SEC63: variants seen among roughly 807,000 people sequenced by gnomAD.
SEC63 encodes the protein SEC63 protein translocation regulator.
SEC63 carries 56 observed loss-of-function variants against 116.2 expected under a neutral mutation model. The observed-to-expected ratio is 0.48, with a 90% CI of 0.39 to 0.60. The LOEUF is 0.60. Ranked by LOEUF, SEC63 falls within the 20% of genes least tolerant of loss-of-function variation. The pLI is 0.00. For synonymous variants in SEC63, 273 were observed against 294.6 expected (o/e 0.93, Z 0.75); for missense variants, 668 against 900.0 (o/e 0.74, Z 3.30).
Position 107,869,001 on chromosome 6 carries a change from ATCTC to A in SEC63, c.*2699_*2702del, listed in dbSNP as rs1786062282. The A allele has an allele frequency of 6.6e-6, 1 of 152,170 alleles. No individual in the cohort carries two copies. The highest frequency in any genetic ancestry group is 1.5e-5 in the Non-Finnish European group (1 of 68,062). The allele number at this position is 152,170 out of a possible 1,614,324, so 9.4% of individuals were successfully genotyped here. A position where few individuals can be genotyped will look rare whatever the true frequency, so the allele number is the denominator to read the frequency against. On this transcript the variant is annotated 3_prime_UTR_variant, in exon 21 of 21. Coordinates refer to ENST00000369002, the MANE Select transcript of SEC63 (RefSeq NM_007214.5). The stretch of plus-strand genomic sequence containing the variant: ...TAACATGCCTAGAGAGCCTCATTAT[ATCTC>A]TCCCTCCCTGTTTCCACATCAGTTG...
At chr6:107,955,866 G>A (rs1770700703) in intron 1 of SEC63, 2 of 203,384 alleles carry the variant, frequency 9.8e-6, no homozygotes, top group East Asian at 1.6e-4. Context: ...CTGGGCAACA[G>A]AGTGAGACTC....
At chr6:107,946,658 T>C (rs899009098) in intron 1 of SEC63, among the ~76,000 whole-genome samples, 2 of 152,306 alleles carry the variant, frequency 1.3e-5, no homozygotes, top group East Asian at 1.9e-4. Flanking sequence ...TCTGTCAGGA[T>C]AGAACAAAGA....
intron 18 of SEC63, among the ~76,000 whole-genome samples, chr6:107,878,433 T>G (rs1398362639): frequency 6.6e-6 from 1 of 152,222 alleles, no homozygotes; most frequent in Non-Finnish European, 1.5e-5. Flanking sequence ...GAAACATCAT[T>G]ACAACAAGTA....
rs113742308 is a variant in SEC63, at chr6:107,869,943, T to G, written c.*1761A>C. The G allele has an allele frequency of 6.6e-6, 1 of 151,944 alleles. No homozygotes were observed. The allele number at this position is 151,944 out of a possible 1,614,324, so 9.4% of individuals were successfully genotyped here. ...TTTTCTTGAAATCTTTCAAGAAAAC[T>G]AGGAAATATGCATTCTACACATTGT... On this transcript the variant is annotated 3_prime_UTR_variant, in exon 21 of 21. Coordinates refer to ENST00000369002, the MANE Select transcript of SEC63 (RefSeq NM_007214.5).
chr6:107,910,460 A>T (rs528941867), intron 7 of SEC63, among the ~76,000 whole-genome samples: 85 of 152,250 alleles, frequency 5.6e-4, no homozygotes, highest in Middle Eastern at 3.4e-3. Context: ...TGTCTCAAAA[A>T]TAAATAAATA....
chr6:107,897,027 A>AGGAG (rs1234726852), intron 14 of SEC63, among the ~76,000 whole-genome samples: 2 of 149,646 alleles, frequency 1.3e-5, no homozygotes, highest in South Asian at 2.2e-4. Context: ...GAAGAAGGGA[A>AGGAG]GGAGGGAGGG....
At chr6:107,926,589 A>T (rs1216796745) in intron 2 of SEC63, among the ~76,000 whole-genome samples, 1 of 152,182 alleles carries the variant, frequency 6.6e-6, no homozygotes, top group Non-Finnish European at 1.5e-5. Context: ...ATTTGGTAAT[A>T]GCCTCAATAT....
rs188668687 is a variant in SEC63 at position 107,923,833 on chromosome 6, T to G, written c.339+985A>C. Reference sequence around the variant, plus strand: ...CCGTTCCTGGCTGATATTAGTTCTTTCTAAGACCCCCAACCTAGATTTTAC... The same window carrying G: ...CCGTTCCTGGCTGATATTAGTTCTTGCTAAGACCCCCAACCTAGATTTTAC... On this transcript the variant is annotated intron_variant, in intron 3 of 20. Coordinates refer to ENST00000369002, the MANE Select transcript of SEC63 (RefSeq NM_007214.5). Among the ~76,000 whole-genome samples, 549 of 152,254 alleles carry G rather than the reference T, an allele frequency of 3.6e-3. 1 individual carries two copies. The highest frequency in any genetic ancestry group is 0.012 in the African/African-American group (508 of 41,538).
chr6:107,935,664 G>T (rs531638316), intron 1 of SEC63, among the ~76,000 whole-genome samples: 1 of 147,620 alleles, frequency 6.8e-6, no homozygotes, highest in Admixed American at 6.8e-5. Context: ...GAAGGCCGCA[G>T]GGTCCTCTGC....
intron 11 of SEC63, 52 bp downstream of exon 11, chr6:107,904,577 G>C (rs1583744199): frequency 1.5e-6 from 2 of 1,364,466 alleles, no homozygotes; most frequent in East Asian, 4.6e-5. Context: ...AGTACAATCT[G>C]CATATGCTTG....
intron 9 of SEC63, 31 bp from the exon 10 acceptor site, chr6:107,906,611 A>G (rs1787153614): frequency 6.2e-7 from 1 of 1,608,234 alleles, no homozygotes; most frequent in Admixed American, 1.7e-5. Context: ...ATTCAAAAAC[A>G]CGCTTTTTTT....
chr6:107,874,005 G>A (rs115103762), intron 19 of SEC63, among the ~76,000 whole-genome samples: 1 of 152,312 alleles, frequency 6.6e-6, no homozygotes, highest in African/African-American at 2.4e-5. Flanking sequence ...CACTGTTGGA[G>A]AATAGGACAT....
Position 107,913,437 on chromosome 6 carries a change from A to G in SEC63, c.453-10T>C. 3 of 1,611,374 alleles carry G rather than the reference A, an allele frequency of 1.9e-6. No homozygotes were observed. The highest frequency in any genetic ancestry group is 1.7e-6 in the Non-Finnish European group (2 of 1,177,612). ...CTCTTCATCCGTTAAACTAGCATCAAAAGAACAAAGTTGCAAAATTAGAAA... is the reference window on the plus strand; with the variant it reads ...CTCTTCATCCGTTAAACTAGCATCAGAAGAACAAAGTTGCAAAATTAGAAA... On this transcript the variant is annotated splice_polypyrimidine_tract_variant and intron_variant, in intron 4 of 20. Coordinates refer to ENST00000369002, the MANE Select transcript of SEC63 (RefSeq NM_007214.5).
intron 8 of SEC63, among the ~76,000 whole-genome samples, chr6:107,908,146 A>C (rs932579775): frequency 7.2e-5 from 11 of 152,194 alleles, no homozygotes; most frequent in Admixed American, 6.5e-4. Context: ...CAAATCCAAA[A>C]TGCAGAAAAG....
chr6:107,938,897 T>C (rs1375167019), intron 1 of SEC63, among the ~76,000 whole-genome samples: 1 of 152,216 alleles, frequency 6.6e-6, no homozygotes, highest in Non-Finnish European at 1.5e-5. Context: ...CGAAATATGC[T>C]TCTTAAAATT....
intron 1 of SEC63, among the ~76,000 whole-genome samples, chr6:107,935,886 A>G (rs1442846920): frequency 6.6e-6 from 1 of 152,260 alleles, no homozygotes; most frequent in African/African-American, 2.4e-5. Flanking sequence ...CATCACTGAG[A>G]AAGTGACAAA....
chr6:107,940,142 G>A (rs1770344383), intron 1 of SEC63, among the ~76,000 whole-genome samples: 1 of 151,978 alleles, frequency 6.6e-6, no homozygotes, highest in Admixed American at 6.6e-5. Context: ...TGGCAATGGA[G>A]GAGGGAACCT....
In SEC63 at chr6:107,887,437, T is replaced by C. The variant is rs1309158830; in HGVS notation, c.1675-4291A>G. ...GCAGCCATAAAAAATGATGAGTTCATGTCCTTTGTAGGGACATGGATGAAA... is the reference window on the plus strand; with the variant it reads ...GCAGCCATAAAAAATGATGAGTTCACGTCCTTTGTAGGGACATGGATGAAA... On this transcript the variant is annotated intron_variant, in intron 16 of 20. Transcript: ENST00000369002. 4.8e-5 allele frequency among the ~76,000 whole-genome samples: 7 copies of C among 147,010 alleles called. No homozygotes were observed. In the Admixed American group the frequency reaches 4.8e-4, roughly 10 times the overall value.
intron 1 of SEC63, among the ~76,000 whole-genome samples, chr6:107,933,002 T>C (rs1787847067): frequency 6.6e-6 from 1 of 152,058 alleles, no homozygotes; most frequent in Non-Finnish European, 1.5e-5. Context: ...TTTACAGATA[T>C]GACTAAGTTA....
Sources: allele counts gnomAD v4.1 joint callset (sites outside exome capture counted in the v4.1 genomes callset), GRCh38; gene constraint gnomAD v4.1.1; transcripts MANE v1.5; gene names NCBI Gene and HGNC (gene_info 2026-07-23, HGNC 2026-07-21).